Variants in CCDC171 observed in about 807,000 individuals in gnomAD.
CCDC171 encodes the protein coiled-coil domain-containing protein 171.
CCDC171 carries 177 observed loss-of-function variants against 168.2 expected under a neutral mutation model. The observed-to-expected ratio is 1.05, with a 90% CI of 0.93 to 1.19. The LOEUF is 1.19. Ranked by LOEUF, CCDC171 falls within the 50% of genes most tolerant of loss-of-function variation. The pLI, the probability that CCDC171 is intolerant of heterozygous loss-of-function variation, is 0.00. For synonymous variants in CCDC171, 687 were observed against 540.8 expected, an observed-to-expected ratio of 1.27 and a Z score of -3.75; for missense variants, 1,991 against 1,539.0, an observed-to-expected ratio of 1.29 and a Z score of -4.91.
In CCDC171 at chr9:15,887,551, A is replaced by G. The variant is rs899967194; in HGVS notation, c.3600+12888A>G. On this transcript the variant is annotated intron_variant, in intron 24 of 25. Transcript: ENST00000380701. ...GAGTGAACAGCAATTCATGAGTTGT[A>G]CAGCTCCAGGCCAGAAGTAGTTTGG... Among the ~76,000 whole-genome samples, 107 of 152,174 alleles carry G rather than the reference A, an allele frequency of 7.0e-4. 1 individual carries two copies. The highest frequency in any genetic ancestry group is 2.4e-3 in the African/African-American group (98 of 41,446).
chr9:15,754,471 C>G (rs147445239), intron 18 of CCDC171, among the ~76,000 whole-genome samples: 2 of 152,174 alleles, frequency 1.3e-5, no homozygotes, highest in East Asian at 3.9e-4. Context: ...TAGTTGTCAC[C>G]TTATTACTCA....
chr9:15,595,157 T>C (rs1213636186), intron 6 of CCDC171, among the ~76,000 whole-genome samples: 1 of 152,156 alleles, frequency 6.6e-6, no homozygotes, highest in African/African-American at 2.4e-5. Flanking sequence ...AATTTTTTTT[T>C]TTAATTATAC....
the CCDC171 span, among the ~76,000 whole-genome samples, chr9:16,098,164 CTT>C: frequency 0.04 from 6,141 of 152,238 alleles, 364 homozygotes; most frequent in African/African-American, 0.13. Context: ...AGCTGAGAGA[CTT>C]TGGGCTAGCT....
chr9:15,871,329 G>A (rs2062030243), intron 23 of CCDC171, among the ~76,000 whole-genome samples: 1 of 151,720 alleles, frequency 6.6e-6, no homozygotes. Context: ...ATAGAATCTT[G>A]ATTATAGGAT....
At position 15,839,841 on chromosome 9, in the gene CCDC171, A is replaced by C. The variant is rs1194044122; in HGVS notation, c.3268-6861A>C. On this transcript the variant is annotated intron_variant, in intron 21 of 25. Transcript: ENST00000380701. ...TACTTCTAAAATTAATATAGAAATC[A>C]GTAGTAAAATACTTAATGCACAGAA... Among the ~76,000 whole-genome samples the C allele has an allele frequency of 2.6e-5, 4 of 152,304 alleles. No homozygotes were observed. The East Asian group carries it at 7.7e-4, about 29-fold the overall frequency.
chr9:15,691,544 T>TATATATATATATATA (rs1554762170), intron 10 of CCDC171, among the ~76,000 whole-genome samples: 146 of 87,716 alleles, frequency 1.7e-3, no homozygotes, highest in African/African-American at 7.5e-3. Context: ...AATATATGTT[T>TATATATATATATATA]TTTATATATA....
chr9:15,831,119 A>G (rs1046019511), intron 21 of CCDC171, among the ~76,000 whole-genome samples: 4 of 151,706 alleles, frequency 2.6e-5, no homozygotes, highest in Non-Finnish European at 4.4e-5. Flanking sequence ...ACAGGTGCCC[A>G]CCACCATGCC....
intron 5 of CCDC171, among the ~76,000 whole-genome samples, chr9:15,593,132 G>A (rs1312241168): frequency 6.6e-6 from 1 of 151,658 alleles, no homozygotes; most frequent in Non-Finnish European, 1.5e-5. Context: ...TAGCCCTTGG[G>A]GGAAAAAAAA....
intron 7 of CCDC171, among the ~76,000 whole-genome samples, chr9:15,656,170 T>G (rs2047911772): frequency 6.6e-6 from 1 of 151,926 alleles, no homozygotes; most frequent in African/African-American, 2.4e-5. Flanking sequence ...ATATAAAAAA[T>G]TAGCTGGGCG....
chr9:16,054,286 A>T (rs1397939858), intron 1 of CCDC171, among the ~76,000 whole-genome samples: 2 of 152,208 alleles, frequency 1.3e-5, no homozygotes, highest in Non-Finnish European at 2.9e-5. Context: ...GGAAAGATAC[A>T]TAATAAATAA....
intron 24 of CCDC171, among the ~76,000 whole-genome samples, chr9:15,902,458 T>C (rs1295162604): frequency 2.0e-5 from 3 of 150,692 alleles, no homozygotes; most frequent in African/African-American, 7.3e-5. Flanking sequence ...AACTTTTGTT[T>C]GATTGATAGG....
chr9:15,559,025 C>T (rs2039049573), intron 1 of CCDC171, among the ~76,000 whole-genome samples: 1 of 152,150 alleles, frequency 6.6e-6, no homozygotes, highest in Non-Finnish European at 1.5e-5. Flanking sequence ...TGTTCAGTTT[C>T]CACGTAGTTG....
chr9:15,938,008 C>G (rs1470616741), intron 25 of CCDC171, among the ~76,000 whole-genome samples: 23 of 151,784 alleles, frequency 1.5e-4, no homozygotes, highest in Admixed American at 1.5e-3. Context: ...AAATAGAGAA[C>G]AAATTAGTAA....
chr9:15,805,342 T>G (rs771906558), intron 21 of CCDC171, among the ~76,000 whole-genome samples: 12 of 151,990 alleles, frequency 7.9e-5, no homozygotes, highest in Non-Finnish European at 1.3e-4. Context: ...GTTAGGTTGT[T>G]GACTCGAGAC....
At chr9:15,627,765 G>A (rs1426021904) in intron 7 of CCDC171, among the ~76,000 whole-genome samples, 4 of 152,210 alleles carry the variant, frequency 2.6e-5, no homozygotes, top group Non-Finnish European at 5.9e-5. Flanking sequence ...GAGTAAGTGT[G>A]ATGTGGTGCT....
intron 19 of CCDC171, 44 bp from the exon 20 acceptor site, chr9:15,778,924 A>T (rs2057498713): frequency 7.5e-7 from 1 of 1,325,472 alleles, no homozygotes; most frequent in Non-Finnish European, 1.0e-6. Context: ...ATTGTTAGTA[A>T]ATCTGTAGTT....
intron 3 of CCDC171, among the ~76,000 whole-genome samples, chr9:15,997,188 G>C (rs1222115283): frequency 6.6e-6 from 1 of 152,140 alleles, no homozygotes; most frequent in Admixed American, 6.5e-5. Context: ...AGAAGGAGTG[G>C]ACAGAGAGAG....
At chr9:15,842,818 A>G (rs1360717563) in intron 21 of CCDC171, among the ~76,000 whole-genome samples, 2 of 151,922 alleles carry the variant, frequency 1.3e-5, no homozygotes, top group Non-Finnish European at 2.9e-5. Flanking sequence ...GCCTTAATAA[A>G]CGTTTGAAGC....
chr9:15,845,657 G>A (rs1261932137), intron 21 of CCDC171: 2 of 152,014 alleles, frequency 1.3e-5, no homozygotes, highest in South Asian at 4.2e-4. Flanking sequence ...AGCACAGTGT[G>A]GATGTTAATG....
Sources: gnomAD v4.1 joint callset for allele counts (sites outside exome capture counted in the v4.1 genomes callset) on GRCh38, gnomAD v4.1.1 for gene constraint, MANE v1.5 for transcripts, NCBI Gene and HGNC (gene_info 2026-07-23, HGNC 2026-07-21) for gene names.